The following OTOG variants were observed in gnomAD, a reference collection of about 807,000 sequenced individuals.
OTOG encodes otogelin.
OTOG carries 296 observed loss-of-function variants against 313.8 expected under a neutral mutation model. The ratio of observed to expected loss-of-function variants is 0.94; its 90% CI spans 0.86 to 1.04. The LOEUF (loss-of-function observed/expected upper bound fraction) is 1.04. Among genes scored for constraint, OTOG ranks in the 50% least tolerant of loss-of-function variants. The pLI is 0.00. For missense variants in OTOG, 3,948 were observed against 3,840.1 expected, an observed-to-expected ratio of 1.03 and a Z score of -0.74; for synonymous variants, 1,533 against 1,554.9, an observed-to-expected ratio of 0.99 and a Z score of 0.33.
chr11:17,615,731 C>G (rs534450582), intron 39 of OTOG, among the ~76,000 whole-genome samples: 1 of 152,074 alleles, frequency 6.6e-6, no homozygotes, highest in African/African-American at 2.4e-5. Context: ...GAGTTTGAGA[C>G]CAGCCTGACC....
At chr11:17,552,808 C>A (rs1851973264) in intron 4 of OTOG, among the ~76,000 whole-genome samples, 1 of 152,254 alleles carries the variant, frequency 6.6e-6, no homozygotes, top group African/African-American at 2.4e-5. Context: ...CCACATGCTC[C>A]CCATTCTCAG....
intron 26 of OTOG, 67 bp from the exon 27 acceptor site, chr11:17,593,543 G>T (rs758483283): frequency 6.5e-7 from 1 of 1,528,954 alleles, no homozygotes; most frequent in Admixed American, 2.0e-5. Flanking sequence ...GGGCCTGGCT[G>T]CAGGCATAGC....
At chr11:17,601,545 T>C (rs1486390905) in intron 31 of OTOG, among the ~76,000 whole-genome samples, 3 of 151,288 alleles carry the variant, frequency 2.0e-5, no homozygotes. Context: ...AGCTGGGCTC[T>C]TTAGATTCTG....
chr11:17,635,002 G>T, intron 45 of OTOG, 54 bp downstream of exon 45: 1 of 1,534,050 alleles, frequency 6.5e-7, no homozygotes, highest in Non-Finnish European at 8.8e-7. Context: ...AGTGGGGGGA[G>T]GACAGCTCTG....
intron 39 of OTOG, among the ~76,000 whole-genome samples, chr11:17,614,772 G>C (rs952089373): frequency 1.3e-5 from 2 of 152,132 alleles, no homozygotes; most frequent in Non-Finnish European, 2.9e-5. Flanking sequence ...ATGTACCATA[G>C]TTTATTTATC....
intron 30 of OTOG, among the ~76,000 whole-genome samples, chr11:17,598,033 G>A (rs757983): frequency 0.18 from 27,471 of 152,206 alleles, 2,631 homozygotes; most frequent in South Asian, 0.28. Flanking sequence ...ATGGACACCC[G>A]GTACTGACAT....
At position 17,631,940 on chromosome 11, in the gene OTOG, C is replaced by A; in HGVS notation, c.6933+18C>A. On this transcript the variant is annotated intron_variant, in intron 41 of 55. Transcript: ENST00000399397. The stretch of plus-strand genomic sequence containing the variant: ...ACCGCTTTGTATGTGCCAACTGGGT[C>A]CAGCACTGGGGACACCTCCTGGGCT... The A allele has an allele frequency of 6.5e-7, 1 of 1,548,572 alleles. No individual in the cohort carries two copies.
intron 44 of OTOG, among the ~76,000 whole-genome samples, chr11:17,634,508 C>G (rs974591028): frequency 2.0e-5 from 3 of 152,046 alleles, no homozygotes; most frequent in Admixed American, 6.5e-5. Flanking sequence ...CTTCCTCCCC[C>G]ACCTGTAGCC....
chr11:17,558,562 C>G lies in OTOG; in HGVS notation c.1021C>G (p.Leu341Val). The G allele has an allele frequency of 6.4e-7, 1 of 1,550,538 alleles. No homozygotes were observed. ...GGGCGTGTACGAGCAGTGTGAGGCT[C>G]TACTGCGGCCCCCCTTTGACGCCTG... ...MQGVYEQCEA[L>V]LRPPFDACHA... Residue 341 changes from leucine (L) to valine (V), a missense_variant, in exon 10 of 56, where the codon CTA (leucine) becomes GTA (valine). Coordinates refer to ENST00000399397, the MANE Select transcript of OTOG (RefSeq NM_001292063.2).
intron 3 of OTOG, among the ~76,000 whole-genome samples, chr11:17,548,810 T>C (rs1301966294): frequency 2.6e-5 from 4 of 152,126 alleles, no homozygotes; most frequent in Non-Finnish European, 5.9e-5. Flanking sequence ...CTCAACTTCC[T>C]GGGCTCAAGT....
intron 39 of OTOG, among the ~76,000 whole-genome samples, chr11:17,620,775 C>T (rs183611896): frequency 2.8e-4 from 43 of 152,318 alleles, no homozygotes; most frequent in Non-Finnish European, 2.4e-4. Context: ...CCACAGATCA[C>T]TTATGCTCTC....
intron 8 of OTOG, 28 bp from the exon 9 acceptor site, chr11:17,558,157 C>T: frequency 1.3e-6 from 2 of 1,549,994 alleles, no homozygotes; most frequent in Non-Finnish European, 1.7e-6. Context: ...CATCGCTGCC[C>T]CATCATGATG....
In OTOG at chr11:17,608,362, G is replaced by A. The variant is rs1237167137; in HGVS notation, c.4223G>A (p.Cys1408Tyr). ...EWRYDACASP[C>Y]FQTCRDPRAA... ...CGCTACGATGCCTGTGCCAGCCCCT[G>A]CTTCCAAACCTGCCGGGACCCACGG... Residue 1408 changes from cysteine to tyrosine, a missense_variant, in exon 34 of 56, where the codon TGC (cysteine) becomes TAC (tyrosine). Transcript: ENST00000399397. 6.5e-7 allele frequency: 1 copy of A among 1,547,558 alleles called. No individual in the cohort carries two copies. Among genetic ancestry groups the A allele is most frequent in the African/African-American group, 1.4e-5 (1 of 73,064 alleles).
intron 25 of OTOG, 103 bp downstream of exon 25, chr11:17,591,691 C>G: frequency 7.0e-7 from 1 of 1,423,262 alleles, no homozygotes; most frequent in Non-Finnish European, 9.5e-7. Context: ...GATCGGGGAT[C>G]TAAGCCCTGA....
At chr11:17,599,150 C>G (rs952871396) in intron 30 of OTOG, among the ~76,000 whole-genome samples, 4 of 152,196 alleles carry the variant, frequency 2.6e-5, no homozygotes, top group African/African-American at 9.6e-5. Flanking sequence ...AAGCTGAGCT[C>G]ACGCTTGCGG....
At chr11:17,637,244 G>C (rs1565129194) in intron 47 of OTOG, among the ~76,000 whole-genome samples, 1 of 151,670 alleles carries the variant, frequency 6.6e-6, no homozygotes, top group Non-Finnish European at 1.5e-5. Context: ...TTTTAAACTG[G>C]CTGTTTTCAT....
At position 17,645,780 on chromosome 11, in the gene OTOG, G is replaced by A. The variant is rs1356287850; in HGVS notation, c.8578G>A (p.Ala2860Thr). ...LVSCDGRCPS[A>T]SIYNYNINTY... ...GTCCTGCGATGGGAGGTGCCCATCCGCCAGCATCTACAACTACAACATCAA... is the reference window on the plus strand; with the variant it reads ...GTCCTGCGATGGGAGGTGCCCATCCACCAGCATCTACAACTACAACATCAA... The change falls in exon 56 of 56, where the codon GCC (alanine) becomes ACC (threonine). Residue 2860 changes from alanine to threonine, a missense_variant. Transcript: ENST00000399397. 39 of 1,550,856 alleles carry A rather than the reference G, an allele frequency of 2.5e-5. No homozygotes were observed. Among genetic ancestry groups the A allele is most frequent in the Admixed American group, 1.4e-4 (7 of 50,992 alleles).
At chr11:17,581,386 A>T (rs76696889) in intron 23 of OTOG, among the ~76,000 whole-genome samples, 5,530 of 152,268 alleles carry the variant, frequency 0.036, 351 homozygotes, top group African/African-American at 0.13. Flanking sequence ...TGCATCGTGG[A>T]AACAGGGAGA....
At chr11:17,624,141 G>A (rs1166156774) in intron 39 of OTOG, among the ~76,000 whole-genome samples, 1 of 152,118 alleles carries the variant, frequency 6.6e-6, no homozygotes, top group African/African-American at 2.4e-5. Context: ...TTGCTGTGTA[G>A]AAGCTCTTTA....
Sources: gnomAD v4.1 joint callset for allele counts (sites outside exome capture counted in the v4.1 genomes callset) on GRCh38, gnomAD v4.1.1 for gene constraint, MANE v1.5 for transcripts, NCBI Gene and HGNC (gene_info 2026-07-23, HGNC 2026-07-21) for gene names.